NICN1: variants seen among roughly 807,000 people sequenced by gnomAD.
The protein encoded by NICN1 is nicolin-1.
NICN1 carries 18 observed loss-of-function variants against 26.3 expected under a neutral mutation model. The ratio of observed to expected loss-of-function variants is 0.68; its 90% CI spans 0.47 to 1.01. The LOEUF (loss-of-function observed/expected upper bound fraction) is 1.01. Among genes scored for constraint, NICN1 ranks in the 50% least tolerant of loss-of-function variants. The pLI is 0.00. For synonymous variants in NICN1, 109 were observed against 111.0 expected, an observed-to-expected ratio of 0.98 and a Z score of 0.11; for missense variants, 239 against 278.3, an observed-to-expected ratio of 0.86 and a Z score of 1.00.
In NICN1 at chr3:49,422,609, G is replaced by C; in HGVS notation, c.*2224C>G. On this transcript the variant is annotated 3_prime_UTR_variant, in exon 6 of 6. Coordinates refer to ENST00000273598, the MANE Select transcript of NICN1 (RefSeq NM_032316.3). The stretch of plus-strand genomic sequence containing the variant: ...CAAGGGCAGGCTGGGATTTAGAGCA[G>C]AGAATGCAGGAACCCGCAACCACAG... 1.3e-6 allele frequency: 1 copy of C among 797,890 alleles called. No homozygotes were observed. Among genetic ancestry groups the C allele is most frequent in the East Asian group, 2.7e-5 (1 of 37,560 alleles). 49.4% of individuals were successfully genotyped at this position (797,890 alleles called of 1,614,324 possible).
chr3:49,426,085 C>A, intron 2 of NICN1, 89 bp from the exon 3 acceptor site: 2 of 1,135,110 alleles, frequency 1.8e-6, no homozygotes, highest in Non-Finnish European at 2.6e-6. Flanking sequence ...CTGCCCACCC[C>A]ACAGGCCTTG....
At position 49,425,071 on chromosome 3, in the gene NICN1, G is replaced by A. The variant is rs761210909; in HGVS notation, c.496-18C>T. On this transcript the variant is annotated intron_variant, in intron 4 of 5. Coordinates refer to ENST00000273598, the MANE Select transcript of NICN1 (RefSeq NM_032316.3). ...GGGAGACCCTGCTCCAGAAGGAGGGGTCAGTGGCCATGGGTCTCTCCCCAG... is the reference window on the plus strand; with the variant it reads ...GGGAGACCCTGCTCCAGAAGGAGGGATCAGTGGCCATGGGTCTCTCCCCAG... The A allele has an allele frequency of 6.3e-7, 1 of 1,599,536 alleles. No homozygotes were observed. The highest frequency in any genetic ancestry group is 8.6e-7 in the Non-Finnish European group (1 of 1,167,020).
In NICN1 at chr3:49,429,202, G is replaced by A. The variant is rs776591820; in HGVS notation, c.38C>T (p.Ser13Phe). Residue 13 changes from serine (S) to phenylalanine (F), a missense_variant, in exon 1 of 6, where the codon TCC becomes TTC. Ser to Phe is a radical substitution (Grantham distance 155, BLOSUM62 -2). Coordinates refer to ENST00000273598, the MANE Select transcript of NICN1 (RefSeq NM_032316.3). ...CACGTCGCCCACCTGGAGGGCTACG[G>A]AGCCTTTCACATGGCAAGGCACCAA... ...RVLVPCHVKG[S>F]VALQVGDVRT... The A allele has an allele frequency of 8.7e-6, 14 of 1,610,378 alleles. No individual in the cohort carries two copies. The highest frequency in any genetic ancestry group is 1.1e-5 in the Non-Finnish European group (13 of 1,178,430).
At chr3:49,426,082 C>A in intron 2 of NICN1, 86 bp from the exon 3 acceptor site, 1 of 1,126,238 alleles carries the variant, frequency 8.9e-7, no homozygotes, top group Non-Finnish European at 1.3e-6. Flanking sequence ...ATGCTGCCCA[C>A]CCCACAGGCC....
At chr3:49,426,196 C>A (rs2049167972) in intron 2 of NICN1, 56 bp downstream of exon 2, 1 of 1,557,364 alleles carries the variant, frequency 6.4e-7, no homozygotes, top group Non-Finnish European at 8.8e-7. Flanking sequence ...TCCAATCCCC[C>A]CACCTCTGGT....
chr3:49,426,126 A>G, intron 2 of NICN1, 126 bp downstream of exon 2: 2 of 1,150,870 alleles, frequency 1.7e-6, no homozygotes, highest in South Asian at 1.5e-5. Context: ...CCTCCAAGGC[A>G]CTTCCCTGGA....
chr3:49,426,312 TA>T lies in NICN1; in HGVS notation c.248del (p.Leu83GlnfsTer34). ...CCTCCTCACTGTGTGGGTCAGGCAT[TA>T]GGCAGTAGTCCCGCAGGCAGGTCAC... is the stretch of plus-strand genomic sequence containing the variant. ...KWVTCLRDYC[L>X]MPDPHSEEGA... On this transcript the variant is annotated frameshift_variant, in exon 2 of 6. Transcript: ENST00000273598. LOFTEE classifies it high-confidence loss of function. 6.2e-7 allele frequency: 1 copy of T among 1,614,188 alleles called. No individual in the cohort carries two copies.
chr3:49,428,762 A>G (rs2049195027), intron 1 of NICN1, among the ~76,000 whole-genome samples: 1 of 151,814 alleles, frequency 6.6e-6, no homozygotes, highest in Non-Finnish European at 1.5e-5. Flanking sequence ...TTTTGGGGTA[A>G]ATCATTGCTT....
At chr3:49,425,650 G>A (rs1414401973) in intron 3 of NICN1, among the ~76,000 whole-genome samples, 1 of 152,122 alleles carries the variant, frequency 6.6e-6, no homozygotes, top group Non-Finnish European at 1.5e-5. Flanking sequence ...GCTCAAAAGT[G>A]TCTCCCAGCA....
In NICN1 at chr3:49,423,388, A is replaced by G. The variant is rs1041250264; in HGVS notation, c.*1445T>C. ...TTAATGCAGGACTTAGGCCTCTTAA[A>G]AGGCAACAATGAGAACCCTTACTTG... On this transcript the variant is annotated 3_prime_UTR_variant, in exon 6 of 6. Transcript: ENST00000273598. 1 of 152,288 alleles carries G rather than the reference A, an allele frequency of 6.6e-6. No homozygotes were observed. The highest frequency in any genetic ancestry group is 1.5e-5 in the Non-Finnish European group (1 of 68,080). The allele number at this position is 152,288 out of a possible 1,614,324, so 9.4% of individuals were successfully genotyped here.
chr3:49,425,288 T>C, intron 4 of NICN1, 79 bp downstream of exon 4: 1 of 1,273,322 alleles, frequency 7.9e-7, no homozygotes, highest in East Asian at 2.4e-5. Context: ...CCCCAGAATT[T>C]TACAGGAAGG....
chr3:49,429,119 C>A lies in NICN1; in HGVS notation c.121G>T (p.Ala41Ser). 6.2e-7 allele frequency: 1 copy of A among 1,605,890 alleles called. No individual in the cohort carries two copies. The highest frequency in any genetic ancestry group is 8.5e-7 in the Non-Finnish European group (1 of 1,176,294). ...CCAGGCTTGCTCACCTCGAAGGGAG[C>A]GACGCTGGGGAAGGTGACATCGATG... is the stretch of plus-strand genomic sequence containing the variant. Reference protein sequence around the residue: ...LVIDVTFPSVAPFELQEITFK... With the variant: ...LVIDVTFPSVSPFELQEITFK... The change falls in exon 1 of 6, where the codon GCT (alanine) becomes TCT (serine). Residue 41 changes from alanine to serine, a missense_variant. Ala to Ser is a moderately conservative substitution (Grantham distance 99, BLOSUM62 1). Transcript: ENST00000273598.
Position 49,429,279 on chromosome 3 carries a change from G to A in NICN1, c.-40C>T, listed in dbSNP as rs777825507. On this transcript the variant is annotated 5_prime_UTR_variant, in exon 1 of 6. Coordinates refer to ENST00000273598, the MANE Select transcript of NICN1 (RefSeq NM_032316.3). ...CAACTAAGTGCAACCGCCGCTCTAG[G>A]CCCCCGACCACCAGCCCTTCCCGGC... 1.3e-6 allele frequency: 2 copies of A among 1,552,976 alleles called. No homozygotes were observed. The highest frequency in any genetic ancestry group is 1.7e-6 in the Non-Finnish European group (2 of 1,146,052).
intron 4 of NICN1, 42 bp downstream of exon 4, chr3:49,425,325 A>C: frequency 4.0e-5 from 61 of 1,526,760 alleles, no homozygotes; most frequent in Middle Eastern, 1.7e-4. Context: ...GTTGGACACT[A>C]GAGCCATTCA....
At position 49,424,951 on chromosome 3, in the gene NICN1, C is replaced by A; in HGVS notation, c.598G>T (p.Asp200Tyr). ...SHTSARIGRF[D>Y]VDGCYDLNLL... ...AGCAGAAGGAAGCGATTACTTACAT[C>A]AAAGCGGCCGATCCTTGCGGAGGTG... Residue 200 changes from aspartate (D) to tyrosine (Y), a missense_variant and splice_region_variant, in exon 5 of 6, where the codon GAT becomes TAT. Coordinates refer to ENST00000273598, the MANE Select transcript of NICN1 (RefSeq NM_032316.3). The A allele has an allele frequency of 1.9e-6, 3 of 1,614,058 alleles. No homozygotes were observed. The highest frequency in any genetic ancestry group is 2.5e-6 in the Non-Finnish European group (3 of 1,179,964).
At position 49,422,882 on chromosome 3, in the gene NICN1, G is replaced by A. The variant is rs911485771; in HGVS notation, c.*1951C>T. 1 of 329,116 alleles carries A rather than the reference G, an allele frequency of 3.0e-6. No individual in the cohort carries two copies. Among genetic ancestry groups the A allele is most frequent in the Non-Finnish European group, 6.0e-6 (1 of 166,982 alleles). The allele number at this position is 329,116 out of a possible 1,614,324, so 20.4% of individuals were successfully genotyped here. ...CAGGTAGGCAGCACCACAGTAGTCT[G>A]TCCTCATGTGGACCCCTAGTTCCAC... On this transcript the variant is annotated 3_prime_UTR_variant, in exon 6 of 6. Coordinates refer to ENST00000273598, the MANE Select transcript of NICN1 (RefSeq NM_032316.3).
chr3:49,428,228 AAAAG>A (rs2107943541), intron 1 of NICN1, among the ~76,000 whole-genome samples: 1 of 151,826 alleles, frequency 6.6e-6, no homozygotes, highest in South Asian at 2.1e-4. Context: ...CTCAAAAAAA[AAAAG>A]AGACAGAAAC....
chr3:49,424,337 C>T lies in NICN1; in HGVS notation c.*496G>A, dbSNP rs533155366. 1 of 176,524 alleles carries T rather than the reference C, an allele frequency of 5.7e-6. No individual in the cohort carries two copies. Among genetic ancestry groups the T allele is most frequent in the East Asian group, 1.6e-4 (1 of 6,152 alleles). 10.9% of individuals were successfully genotyped at this position (176,524 alleles called of 1,614,324 possible). On this transcript the variant is annotated 3_prime_UTR_variant, in exon 6 of 6. Coordinates refer to ENST00000273598, the MANE Select transcript of NICN1 (RefSeq NM_032316.3). Reference sequence around the variant, plus strand: ...AAGAGTTCAGACAGGAAATTTCTCTCTGTGGCATAACACAAATGGAAAGAA... The same window carrying T: ...AAGAGTTCAGACAGGAAATTTCTCTTTGTGGCATAACACAAATGGAAAGAA...
intron 3 of NICN1, 98 bp from the exon 4 acceptor site, chr3:49,425,536 T>A: frequency 1.0e-6 from 1 of 991,360 alleles, no homozygotes. Flanking sequence ...CCGCTGGGCC[T>A]CAGACACTGG....
Sources: allele counts gnomAD v4.1 joint callset (sites outside exome capture counted in the v4.1 genomes callset), GRCh38; gene constraint gnomAD v4.1.1; transcripts MANE v1.5; gene names NCBI Gene and HGNC (gene_info 2026-07-23, HGNC 2026-07-21).